Variants in SLC4A5 observed in about 807,000 individuals in gnomAD.
SLC4A5 encodes solute carrier family 4 member 5, also known as electrogenic sodium bicarbonate cotransporter 4.
A neutral mutation model predicts 120.4 loss-of-function variants in SLC4A5; 96 were observed. The ratio of observed to expected loss-of-function variants is 0.80; its 90% CI spans 0.68 to 0.94. The LOEUF (loss-of-function observed/expected upper bound fraction) is 0.94, where lower values mean the gene tolerates loss of function less well. SLC4A5 is among the 40% of genes least tolerant of loss of function. The pLI is 0.00. For missense variants in SLC4A5, 1,259 were observed against 1,459.5 expected (o/e 0.86, Z 2.24); for synonymous variants, 550 against 571.1 (o/e 0.96, Z 0.53).
At chr2:74,247,664 G>A (rs770139036) in intron 18 of SLC4A5, among the ~76,000 whole-genome samples, 3 of 151,966 alleles carry the variant, frequency 2.0e-5, no homozygotes, top group Non-Finnish European at 4.4e-5. Flanking sequence ...ACAGGCACCC[G>A]CCGCCACGCC....
chr2:74,252,876 C>A, intron 15 of SLC4A5, 98 bp downstream of exon 15: 1 of 1,436,304 alleles, frequency 7.0e-7, no homozygotes, highest in South Asian at 1.2e-5. Context: ...GCATGAGCCA[C>A]TATGCTGAGC....
chr2:74,248,305 T>C lies in SLC4A5; in HGVS notation c.1787+48A>G, dbSNP rs762897047. The stretch of plus-strand genomic sequence containing the variant: ...TTCCCCTGCCCTAGCCCCAGCATAC[T>C]GCCCCAAATGCGAGAGCAGGCACTG... On this transcript the variant is annotated intron_variant, in intron 18 of 30. Transcript: ENST00000394019. 5 of 1,605,366 alleles carry C rather than the reference T, an allele frequency of 3.1e-6. No individual in the cohort carries two copies. In the South Asian group the frequency reaches 3.3e-5, roughly 11 times the overall value.
In SLC4A5 at chr2:74,274,967, G is replaced by C. The variant is rs1210372313; in HGVS notation, c.402-9703C>G. 2.6e-5 allele frequency among the ~76,000 whole-genome samples: 4 copies of C among 152,330 alleles called. No homozygotes were observed. The East Asian group carries it at 7.7e-4, about 29-fold the overall frequency. On this transcript the variant is annotated intron_variant, in intron 8 of 30. Transcript: ENST00000394019. ...ACTCATGAGATATGTCTAGGACTAG[G>C]ATCAGATTGATAGGGCCTTCTGTCT...
intron 7 of SLC4A5, among the ~76,000 whole-genome samples, chr2:74,287,312 G>A (rs557809725): frequency 6.6e-6 from 1 of 152,254 alleles, no homozygotes; most frequent in Non-Finnish European, 1.5e-5. Flanking sequence ...TTGGGCTGGG[G>A]GATGGCTGGG....
In SLC4A5 at chr2:74,328,196, G is replaced by A; in HGVS notation, c.-69-10C>T. ...ACCACTTGCTCTGTTCCTGTTGGGT[G>A]GCAAGAAGGGCTCTCTGTGGTTTCC... is the stretch of plus-strand genomic sequence containing the variant. On this transcript the variant is annotated splice_polypyrimidine_tract_variant and intron_variant, in intron 4 of 30. Coordinates refer to ENST00000394019, the Ensembl canonical transcript of SLC4A5. The A allele has an allele frequency of 2.0e-6, 2 of 985,848 alleles. No homozygotes were observed. Among genetic ancestry groups the A allele is most frequent in the Non-Finnish European group, 2.4e-6 (2 of 829,924 alleles). The allele number at this position is 985,848 out of a possible 1,614,324, so 61.1% of individuals were successfully genotyped here.
chr2:74,296,616 CAAAAAAAAAAAAAAAA>C (rs1160532512), intron 7 of SLC4A5, among the ~76,000 whole-genome samples: 1 of 47,484 alleles, frequency 2.1e-5, no homozygotes, highest in Non-Finnish European at 4.4e-5. Flanking sequence ...ACTAAAAATA[CAAAAAAAAAAAAAAAA>C]AAAAAAATTA....
At chr2:74,265,012 T>C in intron 9 of SLC4A5, 92 bp downstream of exon 9, 1 of 1,417,322 alleles carries the variant, frequency 7.1e-7, no homozygotes, top group Non-Finnish European at 9.6e-7. Context: ...AGACGGGCCG[T>C]CACACAGACT....
chr2:74,235,206 G>T (rs112354575), exon 22 of SLC4A5: 19 of 1,613,698 alleles, frequency 1.2e-5, no homozygotes, highest in African/African-American at 5.3e-5. Flanking sequence ...CAGCCACCAG[G>T]GCCCGGACCT....
chr2:74,225,356 G>A (rs1694806314), intron 27 of SLC4A5, among the ~76,000 whole-genome samples: 1 of 152,190 alleles, frequency 6.6e-6, no homozygotes, highest in Non-Finnish European at 1.5e-5. Context: ...AGCACTTTGG[G>A]AGGCCGAGGT....
chr2:74,231,505 G>T (rs1558868242), intron 24 of SLC4A5, among the ~76,000 whole-genome samples, 197 bp from the exon 25 acceptor site: 1 of 152,322 alleles, frequency 6.6e-6, no homozygotes, highest in South Asian at 2.1e-4. Flanking sequence ...ACTGGGGCAA[G>T]GGCATCTTGC....
intron 6 of SLC4A5, among the ~76,000 whole-genome samples, chr2:74,309,510 T>C (rs1193246510): frequency 2.0e-5 from 3 of 152,180 alleles, no homozygotes; most frequent in African/African-American, 7.2e-5. Flanking sequence ...TCTGGGTCTT[T>C]TGCCTTACCA....
intron 6 of SLC4A5, among the ~76,000 whole-genome samples, chr2:74,308,183 A>C (rs1163262315): frequency 6.6e-6 from 1 of 152,242 alleles, no homozygotes; most frequent in African/African-American, 2.4e-5. Context: ...GTGCAGCTCT[A>C]AACATTCATA....
chr2:74,233,306 C>T (rs1159778544), intron 23 of SLC4A5, 96 bp downstream of exon 23: 2 of 1,447,736 alleles, frequency 1.4e-6, no homozygotes, highest in East Asian at 2.3e-5. Flanking sequence ...ATTTTCCTGG[C>T]CCAAAGTACT....
At chr2:74,327,482 G>C (rs138880573) in intron 5 of SLC4A5, among the ~76,000 whole-genome samples, 13 of 152,328 alleles carry the variant, frequency 8.5e-5, no homozygotes, top group South Asian at 2.1e-4. Context: ...CTTGTCCATT[G>C]CCTCGGGGCC....
chr2:74,249,840 G>A (rs1345749502), intron 17 of SLC4A5, among the ~76,000 whole-genome samples: 3 of 152,182 alleles, frequency 2.0e-5, no homozygotes, highest in Non-Finnish European at 4.4e-5. Context: ...CTACTTTGAA[G>A]GCCTCCATTG....
At chr2:74,268,447 ACAT>A (rs937670544) in intron 8 of SLC4A5, among the ~76,000 whole-genome samples, 1 of 152,230 alleles carries the variant, frequency 6.6e-6, no homozygotes, top group Non-Finnish European at 1.5e-5. Flanking sequence ...ATTAGTATTA[ACAT>A]CATTCTGAAG....
rs58141033 is a variant in SLC4A5, at chr2:74,219,176, G to GGTGT, written c.*34-388_*34-385dup. 8.7e-3 allele frequency among the ~76,000 whole-genome samples: 1,174 copies of GGTGT among 134,278 alleles called. 5 individuals are homozygous for GGTGT. Among genetic ancestry groups the GGTGT allele is most frequent in the East Asian group, 0.031 (138 of 4,486 alleles). The allele number at this position is 134,278 out of a possible 152,430, so 88.1% of individuals were successfully genotyped here. Reference sequence around the variant, plus strand: ...ATTGCAGTGTTCTTTGCTCTTTGGAGGTGTGTGTGTGTGTGTGTGTGTGTG... The same window carrying GGTGT: ...ATTGCAGTGTTCTTTGCTCTTTGGAGGTGTGTGTGTGTGTGTGTGTGTGTGTGTG... On this transcript the variant is annotated intron_variant, in intron 30 of 30. Coordinates refer to ENST00000394019, the Ensembl canonical transcript of SLC4A5.
At chr2:74,281,854 C>G (rs899541421) in intron 8 of SLC4A5, among the ~76,000 whole-genome samples, 20 of 152,244 alleles carry the variant, frequency 1.3e-4, no homozygotes, top group African/African-American at 4.6e-4. Context: ...AGCGTCCCCT[C>G]CCCGATTCTC....
chr2:74,290,037 ACCCAGCCACCCCGAC>A (rs370884156), intron 7 of SLC4A5, among the ~76,000 whole-genome samples: 2,680 of 152,058 alleles, frequency 0.018, 30 homozygotes, highest in Non-Finnish European at 0.019. Context: ...CATGTCCCTC[ACCCAGCCACCCCGAC>A]CCCAGCCACA....
Sources: gnomAD v4.1 joint callset for allele counts (sites outside exome capture counted in the v4.1 genomes callset) on GRCh38, gnomAD v4.1.1 for gene constraint, MANE v1.5 for transcripts, NCBI Gene and HGNC (gene_info 2026-07-23, HGNC 2026-07-21) for gene names.